Variants in EMID1 observed in about 807,000 individuals in gnomAD.
EMID1 encodes the protein EMI domain containing 1, also known as EMI domain-containing protein 1.
A neutral mutation model predicts 60.6 loss-of-function variants in EMID1; 40 were observed. The ratio of observed to expected loss-of-function variants is 0.66; its 90% CI spans 0.51 to 0.86. The LOEUF (loss-of-function observed/expected upper bound fraction) is 0.86, where lower values mean the gene tolerates loss of function less well. Among genes scored for constraint, EMID1 ranks in the 40% least tolerant of loss-of-function variants. EMID1 has a pLI of 0.00. For synonymous variants in EMID1, 242 were observed against 231.0 expected, an observed-to-expected ratio of 1.05 and a Z score of -0.43; for missense variants, 585 against 597.1, an observed-to-expected ratio of 0.98 and a Z score of 0.21.
chr22:29,227,631 G>A (rs2146261015), intron 5 of EMID1, among the ~76,000 whole-genome samples: 1 of 150,830 alleles, frequency 6.6e-6, no homozygotes, highest in Admixed American at 6.6e-5. Flanking sequence ...CTTGAACCTG[G>A]GAGGTGGAGG....
intron 3 of EMID1, among the ~76,000 whole-genome samples, chr22:29,219,609 A>G (rs1002897580): frequency 2.0e-5 from 3 of 151,746 alleles, no homozygotes; most frequent in African/African-American, 7.3e-5. Context: ...GCAAGACCCT[A>G]TCTCAAAAAA....
rs745674433 is a variant in EMID1, at chr22:29,233,384, C to G, written c.829C>G (p.Pro277Ala). The G allele has an allele frequency of 1.9e-6, 3 of 1,613,914 alleles. No individual in the cohort carries two copies. The African/African-American group carries it at 4.0e-5, about 22-fold the overall frequency. Residue 277 changes from proline to alanine, a missense_variant, in exon 9 of 15, where the codon CCA (proline) becomes GCA (alanine). Pro to Ala is a conservative substitution (Grantham distance 27, BLOSUM62 -1). Transcript: ENST00000334018. Reference sequence around the variant, plus strand: ...CATCATCTTTGCTCACCCAGGAGACCCATTGCTGTCCAACACCTTCACTGA... The same window carrying G: ...CATCATCTTTGCTCACCCAGGAGACGCATTGCTGTCCAACACCTTCACTGA... ...PHARISQHGD[P>A]LLSNTFTETN...
chr22:29,230,526 G>T (rs111625211), intron 5 of EMID1, among the ~76,000 whole-genome samples: 1 of 152,144 alleles, frequency 6.6e-6, no homozygotes, highest in Non-Finnish European at 1.5e-5. Flanking sequence ...TCCATAATGC[G>T]TGTTATGAAT....
intron 13 of EMID1, among the ~76,000 whole-genome samples, chr22:29,250,873 G>A (rs1325085338): frequency 6.8e-6 from 1 of 147,704 alleles, no homozygotes; most frequent in African/African-American, 2.5e-5. Context: ...GGGATTACAG[G>A]TGTGAGCCAC....
intron 13 of EMID1, among the ~76,000 whole-genome samples, chr22:29,253,239 G>A (rs1337096785): frequency 6.6e-6 from 1 of 152,210 alleles, no homozygotes; most frequent in Non-Finnish European, 1.5e-5. Context: ...GAGGCCAGGA[G>A]ATCGAGGCCA....
intron 14 of EMID1, 80 bp from the exon 15 acceptor site, chr22:29,258,737 A>T: frequency 6.5e-7 from 1 of 1,545,256 alleles, no homozygotes; most frequent in Non-Finnish European, 8.7e-7. Flanking sequence ...CGGTTCTGCC[A>T]CCCCCTAGAG....
intron 10 of EMID1, 46 bp from the exon 11 acceptor site, chr22:29,234,091 T>C: frequency 6.4e-7 from 1 of 1,553,370 alleles, no homozygotes; most frequent in Non-Finnish European, 8.7e-7. Flanking sequence ...CCCTGCCCAC[T>C]CCATCCTGCC....
At chr22:29,238,207 T>C (rs1323795876) in intron 12 of EMID1, among the ~76,000 whole-genome samples, 1 of 142,022 alleles carries the variant, frequency 7.0e-6, no homozygotes, top group Non-Finnish European at 1.5e-5. Context: ...TCCCTCTGTT[T>C]TCTTTTCAGT....
chr22:29,255,194 A>AGGGGC, intron 14 of EMID1: 1 of 81,124 alleles, frequency 1.2e-5, no homozygotes, highest in Non-Finnish European at 3.0e-5. Flanking sequence ...GTGCCCTCCC[A>AGGGGC]CCCTCCCCGC....
chr22:29,253,170 G>T (rs948847620), intron 13 of EMID1, among the ~76,000 whole-genome samples: 1 of 152,164 alleles, frequency 6.6e-6, no homozygotes, highest in African/African-American at 2.4e-5. Context: ...TTTGGCCAGG[G>T]ATGGTGGCTC....
intron 3 of EMID1, among the ~76,000 whole-genome samples, chr22:29,223,333 G>T (rs1031565507): frequency 1.3e-5 from 2 of 152,220 alleles, no homozygotes; most frequent in South Asian, 2.1e-4. Flanking sequence ...AGAAGCAGGT[G>T]GGGGGAGCAG....
At chr22:29,242,264 A>G (rs1410377469) in intron 12 of EMID1, among the ~76,000 whole-genome samples, 1 of 152,176 alleles carries the variant, frequency 6.6e-6, no homozygotes, top group African/African-American at 2.4e-5. Context: ...TCTATGTTCA[A>G]GTTGATTGAT....
At chr22:29,255,629 T>C (rs2041674902) in intron 14 of EMID1, 1 of 323,940 alleles carries the variant, frequency 3.1e-6, no homozygotes. Flanking sequence ...TGTAGGGTGC[T>C]GGGGGGCTCA....
chr22:29,225,759 G>T (rs527294936), intron 4 of EMID1, among the ~76,000 whole-genome samples: 1 of 152,222 alleles, frequency 6.6e-6, no homozygotes, highest in Non-Finnish European at 1.5e-5. Context: ...GTGTCCTCAG[G>T]TGTGAACAGG....
intron 1 of EMID1, among the ~76,000 whole-genome samples, chr22:29,211,439 T>C (rs550648017): frequency 2.0e-5 from 3 of 151,886 alleles, no homozygotes; most frequent in Admixed American, 2.0e-4. Flanking sequence ...CATATGCCTA[T>C]GTGTGTGTGC....
intron 14 of EMID1, chr22:29,255,210 TC>T: frequency 1.1e-5 from 2 of 180,696 alleles, no homozygotes; most frequent in Non-Finnish European, 2.3e-5. Flanking sequence ...CCCGCTTGGC[TC>T]CCCAGCCCAG....
At chr22:29,234,013 T>C (rs2040848760) in intron 10 of EMID1, 124 bp from the exon 11 acceptor site, 1 of 1,048,576 alleles carries the variant, frequency 9.5e-7, no homozygotes, top group East Asian at 2.6e-5. Flanking sequence ...GTGTGCTGGG[T>C]GTATGGTGAA....
At chr22:29,210,719 A>C (rs2039851287) in intron 1 of EMID1, among the ~76,000 whole-genome samples, 1 of 152,088 alleles carries the variant, frequency 6.6e-6, no homozygotes, top group South Asian at 2.1e-4. Context: ...AAGAAGGAAA[A>C]ATACTGTTTT....
intron 5 of EMID1, among the ~76,000 whole-genome samples, chr22:29,227,415 A>G (rs1348743534): frequency 5.3e-5 from 8 of 151,618 alleles, no homozygotes; most frequent in Non-Finnish European, 1.2e-4. Context: ...TTTTAAATTA[A>G]AAAGTACTGC....
Sources: gnomAD v4.1 joint callset for allele counts (sites outside exome capture counted in the v4.1 genomes callset) on GRCh38, gnomAD v4.1.1 for gene constraint, MANE v1.5 for transcripts, NCBI Gene and HGNC (gene_info 2026-07-23, HGNC 2026-07-21) for gene names.